EPB41L3: variants seen among roughly 807,000 people sequenced by gnomAD.
EPB41L3 encodes band 4.1-like protein 3.
In EPB41L3, 57 loss-of-function variants were observed where a neutral mutation model predicts 127.1. The observed-to-expected ratio is 0.45, with a 90% CI of 0.36 to 0.56. EPB41L3 has a LOEUF of 0.56. Among genes scored for constraint, EPB41L3 ranks in the 20% least tolerant of loss-of-function variants. The pLI, the probability that EPB41L3 is intolerant of heterozygous loss-of-function variation, is 0.00. For synonymous variants in EPB41L3, 572 were observed against 549.5 expected, an observed-to-expected ratio of 1.04 and a Z score of -0.57; for missense variants, 1,273 against 1,372.2, an observed-to-expected ratio of 0.93 and a Z score of 1.14.
chr18:5,509,135 TAAG>T (rs1460793958), intron 1 of EPB41L3, among the ~76,000 whole-genome samples: 2 of 152,202 alleles, frequency 1.3e-5, no homozygotes, highest in Admixed American at 1.3e-4. Context: ...TGGTCTTGCC[TAAG>T]AAGATGTTTT....
intron 3 of EPB41L3, among the ~76,000 whole-genome samples, chr18:5,556,534 T>C (rs1208920834): frequency 6.6e-6 from 1 of 152,226 alleles, no homozygotes; most frequent in East Asian, 1.9e-4. Context: ...GATCAGACTC[T>C]AAACTTTGAT....
Position 5,462,151 on chromosome 18 carries a change from A to C in EPB41L3, c.381+16090T>G, listed in dbSNP as rs116596446. On this transcript the variant is annotated intron_variant, in intron 3 of 22. Transcript: ENST00000341928. ...TCACATTTTTTAATAATGGTACCTT[A>C]AAAATCACAATTATGCAGTATGCTG... is the stretch of plus-strand genomic sequence containing the variant. Among the ~76,000 whole-genome samples, 576 of 152,354 alleles carry C rather than the reference A, an allele frequency of 3.8e-3. 2 individuals are homozygous for C. The highest frequency in any genetic ancestry group is 0.013 in the African/African-American group (545 of 41,576).
intron 1 of EPB41L3, among the ~76,000 whole-genome samples, chr18:5,617,051 T>C (rs1037241751): frequency 3.9e-5 from 6 of 152,200 alleles, no homozygotes; most frequent in Non-Finnish European, 8.8e-5. Flanking sequence ...TGTTTTTCAA[T>C]ATTATTGTAT....
rs1348963507 is a variant in EPB41L3 at position 5,459,321 on chromosome 18, T to C, written c.382-14077A>G. Among the ~76,000 whole-genome samples the C allele has an allele frequency of 2.6e-5, 4 of 151,846 alleles. No homozygotes were observed. The East Asian group carries it at 7.8e-4, about 29-fold the overall frequency. ...AAATATTGCCTAGATATTGTAACCATCTGGATCCCATTCATTGGCTTCTAG... is the reference window on the plus strand; with the variant it reads ...AAATATTGCCTAGATATTGTAACCACCTGGATCCCATTCATTGGCTTCTAG... On this transcript the variant is annotated intron_variant, in intron 3 of 22. Transcript: ENST00000341928.
rs1456672482 is a variant in EPB41L3 at position 5,416,308 on chromosome 18, G to C, written c.1577C>G (p.Thr526Arg). ...CTCCTTACACCTCCTACGGAGCTCT[G>C]TGGGAGATGTGGGGGCACAATGGGT... ...PSTHCAPTSP[T>R]ELRRRCKEND... The change falls in exon 13 of 23, where the codon ACA (threonine) becomes AGA (arginine). Residue 526 changes from threonine (T) to arginine (R), a missense_variant. This residue lies in a region of EPB41L3 where 765 missense variants were observed against 782.9 expected (regional missense o/e 0.98). Transcript: ENST00000341928. 6.2e-7 allele frequency: 1 copy of C among 1,614,026 alleles called. No homozygotes were observed. Among genetic ancestry groups the C allele is most frequent in the Non-Finnish European group, 8.5e-7 (1 of 1,180,044 alleles).
chr18:5,527,107 G>A (rs2093250257), intron 1 of EPB41L3, among the ~76,000 whole-genome samples: 3 of 151,700 alleles, frequency 2.0e-5, no homozygotes, highest in Non-Finnish European at 4.4e-5. Flanking sequence ...TATTAACAAC[G>A]TGGAAGTGTT....
At chr18:5,595,918 C>A (rs551747692) in intron 3 of EPB41L3, among the ~76,000 whole-genome samples, 10 of 152,178 alleles carry the variant, frequency 6.6e-5, no homozygotes, top group African/African-American at 2.4e-4. Flanking sequence ...TGGCTCCCAT[C>A]TTCCACTCCA....
intron 1 of EPB41L3, among the ~76,000 whole-genome samples, chr18:5,524,039 TA>T (rs1194978790): frequency 1.3e-5 from 2 of 152,156 alleles, no homozygotes; most frequent in African/African-American, 4.8e-5. Flanking sequence ...CTACAAATAA[TA>T]ATTCATTTAA....
rs549949663 is a variant in EPB41L3, at chr18:5,566,516, C to A, written c.-306+45824G>T. Among the ~76,000 whole-genome samples, 11 of 152,092 alleles carry A rather than the reference C, an allele frequency of 7.2e-5. 1 individual carries two copies. The highest frequency in any genetic ancestry group is 7.2e-4 in the Admixed American group (11 of 15,284). ...GGTCATGAGTAGGAAGAATTAATAC[C>A]GTGAAAATGGCCATACTGCCCAAGG... is the stretch of plus-strand genomic sequence containing the variant. On this transcript the variant is annotated intron_variant, in intron 3 of 21. Coordinates refer to the EPB41L3 transcript ENST00000545076.
intron 1 of EPB41L3, among the ~76,000 whole-genome samples, chr18:5,540,899 A>G (rs1598826329): frequency 6.6e-6 from 1 of 152,000 alleles, no homozygotes; most frequent in Non-Finnish European, 1.5e-5. Flanking sequence ...CCTGGCTAAC[A>G]CAGTGAAACC....
chr18:5,566,714 TTTCTATTCCA>T lies in EPB41L3; in HGVS notation c.-306+45616_-306+45625del, dbSNP rs1394285205. Among the ~76,000 whole-genome samples the T allele has an allele frequency of 4.6e-4, 62 of 134,874 alleles. 1 individual carries two copies. Among genetic ancestry groups the T allele is most frequent in the East Asian group, 1.7e-3 (7 of 4,196 alleles). 88.5% of individuals were successfully genotyped at this position (134,874 alleles called of 152,430 possible). A position where few individuals can be genotyped will look rare whatever the true frequency, so the allele number is the denominator to read the frequency against. On this transcript the variant is annotated intron_variant, in intron 3 of 21. Transcript: ENST00000545076. The stretch of plus-strand genomic sequence containing the variant: ...TCACACTACCTGACCTTTCTTTTCT[TTTCTATTCCA>T]TTCTATTCTATTCTATTCTATTCTA...
intron 3 of EPB41L3, among the ~76,000 whole-genome samples, chr18:5,572,120 G>A (rs2094288590): frequency 6.6e-6 from 1 of 152,184 alleles, no homozygotes; most frequent in South Asian, 2.1e-4. Context: ...TGAAAAGGAT[G>A]CTATCTAAGT....
At chr18:5,608,951 T>C (rs1255905734) in intron 3 of EPB41L3, among the ~76,000 whole-genome samples, 1 of 152,216 alleles carries the variant, frequency 6.6e-6, no homozygotes, top group Admixed American at 6.5e-5. Flanking sequence ...AACTAAATCA[T>C]CTAAGATAAA....
chr18:5,543,076 C>T lies in EPB41L3; in HGVS notation c.-12+837G>A, dbSNP rs376712992. On this transcript the variant is annotated intron_variant, in intron 1 of 22. Transcript: ENST00000341928. This position sits in a 1 kb window ranked among gnomAD's most constrained non-coding sequence, Gnocchi z 5.2. Reference sequence around the variant, plus strand: ...GGGCGCCAGGTGAGTCGCGCCGCCCCGAGCCCCCGGGCCACGGCAGGCCGA... The same window carrying T: ...GGGCGCCAGGTGAGTCGCGCCGCCCTGAGCCCCCGGGCCACGGCAGGCCGA... Among the ~76,000 whole-genome samples the T allele has an allele frequency of 6.6e-6, 1 of 151,814 alleles. No homozygotes were observed.
At chr18:5,457,960 G>A (rs925626424) in intron 3 of EPB41L3, among the ~76,000 whole-genome samples, 15 of 152,244 alleles carry the variant, frequency 9.9e-5, no homozygotes, top group Admixed American at 3.3e-4. Context: ...AGTTGTGGTC[G>A]GGGTAGCCTA....
chr18:5,452,782 T>TTGTGTG (rs72378439), intron 3 of EPB41L3, among the ~76,000 whole-genome samples: 6 of 150,882 alleles, frequency 4.0e-5, no homozygotes, highest in East Asian at 2.0e-4. Flanking sequence ...TAAAAATTTG[T>TTGTGTG]TGTGTGTGTG....
rs1203891019 is a variant in EPB41L3 at position 5,398,150 on chromosome 18, G to A, written c.2350-7C>T. ...CCCCAGAAGACTGCTTAGTCTGAGT[G>A]AACAAAGAGAGGCAGAGTCAAGCAC... On this transcript the variant is annotated splice_polypyrimidine_tract_variant and splice_region_variant and intron_variant, in intron 16 of 22. Coordinates refer to ENST00000341928, the MANE Select transcript of EPB41L3 (RefSeq NM_012307.5). 1.2e-6 allele frequency: 2 copies of A among 1,613,846 alleles called. No individual in the cohort carries two copies. The highest frequency in any genetic ancestry group is 1.7e-4 in the Middle Eastern group (1 of 6,060).
rs1456591827 is a variant in EPB41L3 at position 5,423,547 on chromosome 18, C to T, written c.1170G>A (p.Leu390=). The change falls in exon 11 of 23, where the codon CTG becomes CTA. Residue 390 remains leucine, a synonymous_variant. Coordinates refer to ENST00000341928, the MANE Select transcript of EPB41L3 (RefSeq NM_012307.5). ...ATTTCTTGGGAGGTGCTTCTGGTAA[C>T]AGTAGTCTAAAGAGAATAAAGAAAA... ...CVEHHTFFRL[L]LPEAPPKKFL... The T allele has an allele frequency of 3.1e-6, 5 of 1,610,662 alleles. No individual in the cohort carries two copies. Among genetic ancestry groups the T allele is most frequent in the Non-Finnish European group, 4.2e-6 (5 of 1,177,650 alleles).
chr18:5,505,563 C>A (rs1176817689), intron 1 of EPB41L3, among the ~76,000 whole-genome samples: 3 of 149,226 alleles, frequency 2.0e-5, no homozygotes, highest in Non-Finnish European at 3.0e-5. Flanking sequence ...TCAGCTCTTA[C>A]CCTCCCCACC....
Sources: allele counts gnomAD v4.1 joint callset (sites outside exome capture counted in the v4.1 genomes callset), GRCh38; gene constraint gnomAD v4.1.1; regional missense constraint gnomAD v4.1.1; non-coding constraint Gnocchi (gnomAD v3.1); transcripts MANE v1.5; gene names NCBI Gene and HGNC (gene_info 2026-07-23, HGNC 2026-07-21).